RAB3IP: variants seen among roughly 807,000 people sequenced by gnomAD.
RAB3IP encodes the protein RAB3A interacting protein.
Under a neutral mutation model 59.1 loss-of-function variants are expected in RAB3IP, and 36 were observed. The ratio of observed to expected loss-of-function variants is 0.61; its 90% CI spans 0.47 to 0.80. RAB3IP has a LOEUF of 0.80. RAB3IP is among the 30% of genes least tolerant of loss of function. RAB3IP has a pLI of 0.00. For synonymous variants in RAB3IP, 207 were observed against 191.2 expected (o/e 1.08, Z -0.68); for missense variants, 511 against 536.0 (o/e 0.95, Z 0.46).
At chr12:69,796,942 C>G (rs1877519893) in intron 6 of RAB3IP, among the ~76,000 whole-genome samples, 1 of 152,138 alleles carries the variant, frequency 6.6e-6, no homozygotes, top group Non-Finnish European at 1.5e-5. Context: ...TGTGCATAGG[C>G]AGCATATAAC....
chr12:69,785,851 T>G (rs1875555217), intron 4 of RAB3IP, among the ~76,000 whole-genome samples: 3 of 152,214 alleles, frequency 2.0e-5, no homozygotes, highest in African/African-American at 7.2e-5. Flanking sequence ...CCGGTCATTT[T>G]GACAGCATAC....
intron 1 of RAB3IP, among the ~76,000 whole-genome samples, chr12:69,752,751 T>C (rs1210664776): frequency 6.6e-6 from 1 of 152,230 alleles, no homozygotes; most frequent in East Asian, 1.9e-4. Flanking sequence ...GAATCATAAA[T>C]AGTTACTGAT....
intron 8 of RAB3IP, among the ~76,000 whole-genome samples, chr12:69,810,805 A>G (rs955662583): frequency 3.3e-5 from 5 of 152,228 alleles, no homozygotes; most frequent in Non-Finnish European, 5.9e-5. Flanking sequence ...ATTACGGTCT[A>G]GATTTAGACA....
At chr12:69,752,154 C>T (rs1034447770) in intron 1 of RAB3IP, among the ~76,000 whole-genome samples, 3 of 151,526 alleles carry the variant, frequency 2.0e-5, no homozygotes, top group African/African-American at 7.3e-5. Context: ...TAGGCCTGCA[C>T]TATCACACCC....
At chr12:69,795,418 A>G (rs751742537) in intron 6 of RAB3IP, 74 bp downstream of exon 6, 1 of 1,298,350 alleles carries the variant, frequency 7.7e-7, no homozygotes, top group African/African-American at 1.5e-5. Flanking sequence ...GTCAGTTATC[A>G]TTTTTGCCAG....
intron 8 of RAB3IP, among the ~76,000 whole-genome samples, chr12:69,810,686 T>C (rs1296132875): frequency 1.9e-5 from 2 of 106,106 alleles, no homozygotes; most frequent in African/African-American, 7.3e-5. Context: ...AAAGTTAGAT[T>C]GGGGTGGGGG....
At chr12:69,755,237 T>G (rs1003026740) in intron 1 of RAB3IP, 147 bp from the exon 2 acceptor site, 7 of 685,826 alleles carry the variant, frequency 1.0e-5, no homozygotes, top group Non-Finnish European at 1.7e-5. Context: ...TACCACCATG[T>G]GATTGTGGTT....
rs1393664271 is a variant in RAB3IP at position 69,739,495 on chromosome 12, C to CA, written c.-26+466dup. The CA allele has an allele frequency of 9.8e-6, 3 of 304,666 alleles. No individual in the cohort carries two copies. The East Asian group carries it at 2.3e-4, about 23-fold the overall frequency. 18.9% of individuals were successfully genotyped at this position (304,666 alleles called of 1,614,324 possible). ...TCCCGAACAAGTCGGAAGCAGCTCA[C>CA]AACACCGGACGCCGCGCGGCAGGGC... On this transcript the variant is annotated intron_variant, in intron 1 of 10. Coordinates refer to ENST00000247833, the MANE Select transcript of RAB3IP (RefSeq NM_022456.5).
chr12:69,742,889 A>C (rs1227934962), intron 1 of RAB3IP, among the ~76,000 whole-genome samples: 1 of 152,240 alleles, frequency 6.6e-6, no homozygotes, highest in African/African-American at 2.4e-5. Flanking sequence ...TTTATCTTAG[A>C]ATATAGGGCA....
chr12:69,786,021 A>T (rs975982234), intron 4 of RAB3IP, among the ~76,000 whole-genome samples: 7 of 152,162 alleles, frequency 4.6e-5, no homozygotes, highest in African/African-American at 1.7e-4. Context: ...TTAACGATAT[A>T]TATATGTTTT....
intron 10 of RAB3IP, among the ~76,000 whole-genome samples, chr12:69,813,717 A>T (rs1393177168): frequency 1.3e-5 from 2 of 152,138 alleles, no homozygotes; most frequent in Non-Finnish European, 2.9e-5. Context: ...AATAGCAGAT[A>T]CTAGGCTAGG....
chr12:69,758,007 G>A (rs1272100344), intron 3 of RAB3IP, among the ~76,000 whole-genome samples: 1 of 152,202 alleles, frequency 6.6e-6, no homozygotes, highest in African/African-American at 2.4e-5. Flanking sequence ...AAACACATAT[G>A]TGGTGACTTT....
At chr12:69,766,420 C>G (rs146157262) in intron 3 of RAB3IP, among the ~76,000 whole-genome samples, 13 of 152,072 alleles carry the variant, frequency 8.5e-5, no homozygotes, top group African/African-American at 3.1e-4. Flanking sequence ...CCCTGAAATT[C>G]TTTTTTCTGT....
intron 3 of RAB3IP, among the ~76,000 whole-genome samples, chr12:69,767,594 G>A (rs964408210): frequency 3.3e-5 from 5 of 152,216 alleles, no homozygotes; most frequent in African/African-American, 1.2e-4. Flanking sequence ...TCTCTGCATG[G>A]GAGTCGGAGT....
chr12:69,741,360 T>C (rs1392964664), intron 1 of RAB3IP, among the ~76,000 whole-genome samples: 1 of 152,240 alleles, frequency 6.6e-6, no homozygotes. Flanking sequence ...AGAGCCGGTA[T>C]TAAAAACTGT....
chr12:69,742,352 ACTGCTTT>A (rs747123671), intron 1 of RAB3IP, among the ~76,000 whole-genome samples: 23 of 152,278 alleles, frequency 1.5e-4, no homozygotes, highest in South Asian at 6.2e-4. Flanking sequence ...GCTTTTGTAA[ACTGCTTT>A]CTAGCTTGTT....
chr12:69,797,711 C>A (rs2136238068), intron 6 of RAB3IP, among the ~76,000 whole-genome samples: 1 of 146,676 alleles, frequency 6.8e-6, no homozygotes, highest in African/African-American at 2.5e-5. Context: ...GTGTGATGTT[C>A]CCCTTCCTGT....
chr12:69,775,344 C>T (rs1873735184), intron 3 of RAB3IP, among the ~76,000 whole-genome samples: 1 of 141,714 alleles, frequency 7.1e-6, no homozygotes, highest in South Asian at 2.4e-4. Flanking sequence ...GATAAACAAT[C>T]ATGTCATCTG....
chr12:69,800,726 A>G (rs184484540), intron 7 of RAB3IP, among the ~76,000 whole-genome samples: 2 of 152,354 alleles, frequency 1.3e-5, no homozygotes, highest in East Asian at 3.9e-4. Context: ...TCTTTAAAAC[A>G]GGAAAAGTAA....
Sources: gnomAD v4.1 joint callset for allele counts (sites outside exome capture counted in the v4.1 genomes callset) on GRCh38, gnomAD v4.1.1 for gene constraint, MANE v1.5 for transcripts, NCBI Gene and HGNC (gene_info 2026-07-23, HGNC 2026-07-21) for gene names.